LEMD1: variants seen among roughly 807,000 people sequenced by gnomAD.
LEMD1 encodes LEM domain containing 1, also known as LEM domain-containing protein 1.
Under a neutral mutation model 17.4 loss-of-function variants are expected in LEMD1, and 18 were observed. The observed-to-expected ratio is 1.04, with a 90% CI of 0.72 to 1.54. The LOEUF (loss-of-function observed/expected upper bound fraction) is 1.54. Ranked by LOEUF, LEMD1 falls within the 40% of genes most tolerant of loss-of-function variation. LEMD1 has a pLI of 0.00. For missense variants in LEMD1, 195 were observed against 210.4 expected (o/e 0.93, Z 0.45); for synonymous variants, 88 against 77.8 (o/e 1.13, Z -0.69).
chr1:205,446,540 C>T (rs1270679119), intron 1 of LEMD1, among the ~76,000 whole-genome samples: 2 of 152,234 alleles, frequency 1.3e-5, no homozygotes, highest in South Asian at 2.1e-4. Context: ...GGGGACTACC[C>T]GGGCAAACTG....
chr1:205,389,075 G>A (rs1664201611), intron 4 of LEMD1, among the ~76,000 whole-genome samples: 1 of 108,876 alleles, frequency 9.2e-6, no homozygotes, highest in Non-Finnish European at 1.7e-5. Flanking sequence ...TTGAGATAGA[G>A]TCTTGCTCTG....
At chr1:205,446,203 TCTCC>T (rs1167118259) in intron 1 of LEMD1, among the ~76,000 whole-genome samples, 2 of 152,198 alleles carry the variant, frequency 1.3e-5, no homozygotes, top group African/African-American at 2.4e-5. Flanking sequence ...TCACATATCT[TCTCC>T]AGGCCTGTCC....
chr1:205,397,398 T>A (rs1186125919), intron 4 of LEMD1, among the ~76,000 whole-genome samples: 1 of 152,164 alleles, frequency 6.6e-6, no homozygotes, highest in African/African-American at 2.4e-5. Context: ...ATAAATCACA[T>A]AGTCTCCTCC....
intron 1 of LEMD1, among the ~76,000 whole-genome samples, chr1:205,444,847 A>G (rs1484033726): frequency 6.6e-6 from 1 of 151,718 alleles, no homozygotes; most frequent in East Asian, 1.9e-4. Context: ...CAAGGCAGAG[A>G]GCAGAGGCAC....
At chr1:205,390,268 T>G (rs1664269238) in intron 4 of LEMD1, among the ~76,000 whole-genome samples, 1 of 151,594 alleles carries the variant, frequency 6.6e-6, no homozygotes. Flanking sequence ...GGCAGGAGAA[T>G]CGCTTGAACC....
chr1:205,405,972 A>G (rs1318363973), intron 4 of LEMD1, among the ~76,000 whole-genome samples: 4 of 152,240 alleles, frequency 2.6e-5, no homozygotes, highest in Non-Finnish European at 5.9e-5. Context: ...GGTCCACTCC[A>G]GACCCCGTTT....
rs961823077 is a variant in LEMD1, at chr1:205,448,974, T to C, written c.-39+894A>G. ...GGCTGGGCCAACCTACCCAGACCAG[T>C]CTGGGTGGTTACCGACAACACCCAT... On this transcript the variant is annotated intron_variant, in intron 1 of 3. Transcript: ENST00000367154. The surrounding 1 kb of genome is among the most constrained non-coding windows in gnomAD (Gnocchi z 4.7). Among the ~76,000 whole-genome samples, 1 of 152,112 alleles carries C rather than the reference T, an allele frequency of 6.6e-6. No homozygotes were observed. Among genetic ancestry groups the C allele is most frequent in the Non-Finnish European group, 1.5e-5 (1 of 68,014 alleles).
intron 4 of LEMD1, among the ~76,000 whole-genome samples, chr1:205,387,979 A>G (rs920900438): frequency 1.4e-4 from 21 of 152,198 alleles, no homozygotes; most frequent in African/African-American, 4.8e-4. Flanking sequence ...AGGTGCTTTT[A>G]TTGTGCCCAT....
chr1:205,394,535 C>A (rs1664496429), intron 4 of LEMD1, among the ~76,000 whole-genome samples: 1 of 152,050 alleles, frequency 6.6e-6, no homozygotes, highest in African/African-American at 2.4e-5. Context: ...CAGGTGCCCA[C>A]CACCAAACCC....
At chr1:205,404,296 G>T (rs1268400729) in intron 4 of LEMD1, among the ~76,000 whole-genome samples, 1 of 152,096 alleles carries the variant, frequency 6.6e-6, no homozygotes, top group Non-Finnish European at 1.5e-5. Flanking sequence ...AATGTTGACA[G>T]TGGGGTGTTA....
At chr1:205,445,778 G>A (rs1666378974) in intron 1 of LEMD1, among the ~76,000 whole-genome samples, 1 of 152,224 alleles carries the variant, frequency 6.6e-6, no homozygotes, top group Admixed American at 6.5e-5. Flanking sequence ...CAGCAGCTGG[G>A]AACCTGGTGG....
At chr1:205,445,148 A>C (rs995198202) in intron 1 of LEMD1, among the ~76,000 whole-genome samples, 2 of 152,046 alleles carry the variant, frequency 1.3e-5, no homozygotes, top group Admixed American at 1.3e-4. Flanking sequence ...AAAGAATTAA[A>C]AACGAAGGGG....
intron 4 of LEMD1, among the ~76,000 whole-genome samples, chr1:205,410,627 A>T (rs906893768): frequency 5.9e-5 from 9 of 152,200 alleles, no homozygotes; most frequent in Admixed American, 5.2e-4. Context: ...TTCAATGCAG[A>T]GGAGTCAAAT....
chr1:205,432,201 G>A (rs1384539586), intron 1 of LEMD1, among the ~76,000 whole-genome samples: 1 of 152,220 alleles, frequency 6.6e-6, no homozygotes, highest in Non-Finnish European at 1.5e-5. Flanking sequence ...AAAGGAGGGA[G>A]GAGGGCTGAA....
intron 4 of LEMD1, among the ~76,000 whole-genome samples, chr1:205,387,929 T>A (rs1664115201): frequency 6.6e-6 from 1 of 152,238 alleles, no homozygotes; most frequent in South Asian, 2.1e-4. Context: ...GCATTTTACA[T>A]CAGTAAACTA....
chr1:205,405,656 T>G (rs952738978), intron 4 of LEMD1, among the ~76,000 whole-genome samples: 10 of 152,024 alleles, frequency 6.6e-5, no homozygotes, highest in Admixed American at 1.3e-4. Flanking sequence ...AATTTCCTCC[T>G]GTAGCTCGGA....
At chr1:205,403,584 TTCTC>T (rs1304001151) in intron 4 of LEMD1, among the ~76,000 whole-genome samples, 12 of 151,826 alleles carry the variant, frequency 7.9e-5, no homozygotes, top group Non-Finnish European at 8.8e-5. Context: ...TATTTGATTC[TTCTC>T]TCTTTTTTTC....
Position 205,381,478 on chromosome 1 carries a change from G to A in LEMD1, c.*180C>T. On this transcript the variant is annotated 3_prime_UTR_variant, in exon 6 of 6. Coordinates refer to ENST00000367153, the MANE Select transcript of LEMD1 (RefSeq NM_001199050.2). ...CATCATGCTCTTAACACAGGTGCCTGGTTAGGCAGGTTCCTTCCACCTGGC... is the reference window on the plus strand; with the variant it reads ...CATCATGCTCTTAACACAGGTGCCTAGTTAGGCAGGTTCCTTCCACCTGGC... 1 of 630,130 alleles carries A rather than the reference G, an allele frequency of 1.6e-6. No individual in the cohort carries two copies. The highest frequency in any genetic ancestry group is 2.8e-6 in the Non-Finnish European group (1 of 356,432). The allele number at this position is 630,130 out of a possible 1,614,324, so 39.0% of individuals were successfully genotyped here. A position where few individuals can be genotyped will look rare whatever the true frequency, so the allele number is the denominator to read the frequency against.
At chr1:205,413,683 C>T (rs1427729387) in intron 4 of LEMD1, among the ~76,000 whole-genome samples, 1 of 137,344 alleles carries the variant, frequency 7.3e-6, no homozygotes, top group African/African-American at 2.8e-5. Flanking sequence ...AGTCTCCTCT[C>T]ACTCTGTCAC....
Sources: allele counts gnomAD v4.1 joint callset (sites outside exome capture counted in the v4.1 genomes callset), GRCh38; gene constraint gnomAD v4.1.1; non-coding constraint Gnocchi (gnomAD v3.1); transcripts MANE v1.5; gene names NCBI Gene and HGNC (gene_info 2026-07-23, HGNC 2026-07-21).